ZBTB16: variants seen among roughly 807,000 people sequenced by gnomAD.
ZBTB16 encodes the protein zinc finger and BTB domain-containing protein 16.
ZBTB16 carries 8 observed loss-of-function variants against 56.8 expected under a neutral mutation model. The observed-to-expected ratio is 0.14, with a 90% CI of 0.08 to 0.25. The LOEUF (loss-of-function observed/expected upper bound fraction) is 0.25. Among genes scored for constraint, ZBTB16 ranks in the 10% least tolerant of loss-of-function variants. The pLI, the probability that ZBTB16 is intolerant of heterozygous loss-of-function variation, is 1.00. For missense variants in ZBTB16, 625 were observed against 903.0 expected (o/e 0.69, Z 3.95); for synonymous variants, 363 against 368.5 (o/e 0.98, Z 0.17).
At chr11:114,171,642 G>T (rs950578489) in intron 3 of ZBTB16, among the ~76,000 whole-genome samples, 4 of 152,246 alleles carry the variant, frequency 2.6e-5, no homozygotes, top group African/African-American at 9.6e-5. Context: ...CAAGGCCGGC[G>T]TGGCTTTCTT....
chr11:114,093,534 C>T (rs532712064), intron 2 of ZBTB16, among the ~76,000 whole-genome samples: 33 of 152,194 alleles, frequency 2.2e-4, no homozygotes, highest in African/African-American at 6.5e-4. Context: ...CAACGGGACC[C>T]CTAGAAGGAG....
chr11:114,203,544 C>A (rs992202801), intron 4 of ZBTB16, among the ~76,000 whole-genome samples: 2 of 151,910 alleles, frequency 1.3e-5, no homozygotes, highest in South Asian at 2.1e-4. Flanking sequence ...CAGAGCAAGA[C>A]CCTGCCTGTT....
Position 114,180,252 on chromosome 11 carries a change from A to G in ZBTB16, c.1367-6700A>G, listed in dbSNP as rs551024974. ...GGGAGCTCCCTACAGGGTGGTGCTT[A>G]GAACATCCCGAAGCCCTCATCTGCA... On this transcript the variant is annotated intron_variant, in intron 3 of 6. Transcript: ENST00000335953. Among the ~76,000 whole-genome samples, 4 of 152,354 alleles carry G rather than the reference A, an allele frequency of 2.6e-5. No homozygotes were observed. The East Asian group carries it at 7.7e-4, about 29-fold the overall frequency.
chr11:114,202,411 A>G (rs1943757107), intron 4 of ZBTB16, among the ~76,000 whole-genome samples: 2 of 152,122 alleles, frequency 1.3e-5, no homozygotes, highest in African/African-American at 2.4e-5. Context: ...AGGTGACTAC[A>G]GTGCTGTCCA....
intron 2 of ZBTB16, among the ~76,000 whole-genome samples, chr11:114,069,529 T>C (rs1939252071): frequency 6.6e-6 from 1 of 152,246 alleles, no homozygotes; most frequent in African/African-American, 2.4e-5. Flanking sequence ...ATCAGAGTTC[T>C]GCCTGGCCCT....
intron 4 of ZBTB16, among the ~76,000 whole-genome samples, chr11:114,219,538 A>T (rs914625272): frequency 6.6e-6 from 1 of 151,980 alleles, no homozygotes; most frequent in Non-Finnish European, 1.5e-5. Context: ...TTCTGTGTTG[A>T]GGTCACTCAT....
rs143448626 is a variant in ZBTB16, at chr11:114,155,617, G to T, written c.1269-720G>T. ...AATGAGAGCATGTGTATGAAGAGCT[G>T]CAGATGACTATGACCACCCTACATT... On this transcript the variant is annotated intron_variant, in intron 2 of 6. Coordinates refer to ENST00000335953, the MANE Select transcript of ZBTB16 (RefSeq NM_006006.6). Among the ~76,000 whole-genome samples the T allele has an allele frequency of 7.7e-4, 118 of 152,332 alleles. No homozygotes were observed. In the Middle Eastern group the frequency reaches 0.014, roughly 18 times the overall value.
At chr11:114,236,532 G>A (rs995165519) in intron 4 of ZBTB16, among the ~76,000 whole-genome samples, 9 of 152,122 alleles carry the variant, frequency 5.9e-5, no homozygotes, top group African/African-American at 2.2e-4. Context: ...AGACACGGGG[G>A]GCCTCAGTGA....
chr11:114,181,102 T>C (rs1042962182), intron 3 of ZBTB16, among the ~76,000 whole-genome samples: 2 of 152,212 alleles, frequency 1.3e-5, no homozygotes, highest in African/African-American at 2.4e-5. Flanking sequence ...TCTTTATGAA[T>C]GTGAGACTCA....
At chr11:114,085,341 A>G (rs1445055415) in intron 2 of ZBTB16, among the ~76,000 whole-genome samples, 1 of 152,210 alleles carries the variant, frequency 6.6e-6, no homozygotes, top group Non-Finnish European at 1.5e-5. Context: ...TCCCCCAAAC[A>G]GTGAGGCCTT....
At chr11:114,125,638 G>C (rs1474409574) in intron 2 of ZBTB16, among the ~76,000 whole-genome samples, 1 of 152,112 alleles carries the variant, frequency 6.6e-6, no homozygotes, top group East Asian at 1.9e-4. Flanking sequence ...GAAAGTAGGA[G>C]GTGAAAGGTG....
chr11:114,238,762 C>G (rs1944646583), intron 4 of ZBTB16, among the ~76,000 whole-genome samples: 1 of 152,172 alleles, frequency 6.6e-6, no homozygotes, highest in Non-Finnish European at 1.5e-5. Context: ...CCCAGCTTGT[C>G]TCCATCCCCA....
chr11:114,227,049 T>A (rs1384240448), intron 4 of ZBTB16, among the ~76,000 whole-genome samples: 1 of 152,060 alleles, frequency 6.6e-6, no homozygotes, highest in African/African-American at 2.4e-5. Context: ...GCCTATAAAT[T>A]TACTGTCCCC....
At chr11:114,106,455 T>G (rs1056981292) in intron 2 of ZBTB16, among the ~76,000 whole-genome samples, 1 of 151,870 alleles carries the variant, frequency 6.6e-6, no homozygotes, top group African/African-American at 2.4e-5. Flanking sequence ...TACATTGGTC[T>G]ATGATTTCAC....
intron 4 of ZBTB16, among the ~76,000 whole-genome samples, chr11:114,233,286 T>C (rs1431854354): frequency 6.6e-6 from 1 of 152,018 alleles, no homozygotes; most frequent in Non-Finnish European, 1.5e-5. Flanking sequence ...TATTAGTCTC[T>C]GCTGATGTGC....
rs66489516 is a variant in ZBTB16, at chr11:114,207,590, A to AACACACACACAC, written c.1453+20578_1453+20589dup. Among the ~76,000 whole-genome samples, 1,050 of 143,692 alleles carry AACACACACACAC rather than the reference A, an allele frequency of 7.3e-3. 15 individuals are homozygous for AACACACACACAC. Among genetic ancestry groups the AACACACACACAC allele is most frequent in the African/African-American group, 0.025 (955 of 38,608 alleles). 94.3% of individuals were successfully genotyped at this position (143,692 alleles called of 152,430 possible). A position where few individuals can be genotyped will look rare whatever the true frequency, so the allele number is the denominator to read the frequency against. On this transcript the variant is annotated intron_variant, in intron 4 of 6. Transcript: ENST00000335953. ...TCTTGTTTGCCTGATACACACACACAACACACACACACACACACACACACA... is the reference window on the plus strand; with the variant it reads ...TCTTGTTTGCCTGATACACACACACAACACACACACACACACACACACACACACACACACACA...
At chr11:114,074,621 G>T (rs1939473529) in intron 2 of ZBTB16, among the ~76,000 whole-genome samples, 1 of 152,226 alleles carries the variant, frequency 6.6e-6, no homozygotes, top group East Asian at 1.9e-4. Context: ...TACCTTATTA[G>T]TAGCACCTGG....
At chr11:114,120,318 G>A (rs568589393) in intron 2 of ZBTB16, among the ~76,000 whole-genome samples, 1 of 152,154 alleles carries the variant, frequency 6.6e-6, no homozygotes, top group African/African-American at 2.4e-5. Context: ...ATGGGGACAT[G>A]GGGCAGGGCA....
At chr11:114,161,143 C>T (rs770673589) in intron 3 of ZBTB16, among the ~76,000 whole-genome samples, 3 of 152,186 alleles carry the variant, frequency 2.0e-5, no homozygotes, top group Non-Finnish European at 2.9e-5. Context: ...ACCACAGACA[C>T]ATGCAGTGAC....
Sources: allele counts gnomAD v4.1 joint callset (sites outside exome capture counted in the v4.1 genomes callset), GRCh38; gene constraint gnomAD v4.1.1; transcripts MANE v1.5; gene names NCBI Gene and HGNC (gene_info 2026-07-23, HGNC 2026-07-21).